TIMP3: variants seen among roughly 807,000 people sequenced by gnomAD.
TIMP3 encodes the protein TIMP metallopeptidase inhibitor 3, also known as metalloproteinase inhibitor 3.
A neutral mutation model predicts 30.0 loss-of-function variants in TIMP3; 11 were observed. The observed-to-expected ratio is 0.37, with a 90% CI of 0.23 to 0.61. TIMP3 has a LOEUF of 0.61. TIMP3 is among the 20% of genes least tolerant of loss of function. The probability of loss-of-function intolerance (pLI) is 0.70; values close to 1 mark genes in which losing one functional copy is unlikely to be tolerated. For synonymous variants in TIMP3, 112 were observed against 111.3 expected, an observed-to-expected ratio of 1.01 and a Z score of -0.04; for missense variants, 181 against 276.8, an observed-to-expected ratio of 0.65 and a Z score of 2.45.
intron 1 of TIMP3, among the ~76,000 whole-genome samples, chr22:32,806,372 T>C (rs1392112112): frequency 6.6e-6 from 1 of 152,216 alleles, no homozygotes; most frequent in East Asian, 1.9e-4. Context: ...CACTGCTGAA[T>C]GGCACATTCC....
At position 32,834,289 on chromosome 22, in the gene TIMP3, A is replaced by AT. The variant is rs1339883023; in HGVS notation, c.122-15161dup. ...TGCCTCAGCCTCCCAAGTAGTTGGG[A>AT]TTACAGGTGCCCTCCACCACATCTG... is the stretch of plus-strand genomic sequence containing the variant. On this transcript the variant is annotated intron_variant, in intron 1 of 4. Transcript: ENST00000266085. Among the ~76,000 whole-genome samples the AT allele has an allele frequency of 2.0e-5, 3 of 151,652 alleles. 1 individual carries two copies. Among genetic ancestry groups the AT allele is most frequent in the Non-Finnish European group, 4.4e-5 (3 of 67,940 alleles).
chr22:32,859,621 T>G lies in TIMP3; in HGVS notation c.*244T>G, dbSNP rs1198365586. The stretch of plus-strand genomic sequence containing the variant: ...TTCCACCTGGGAATTTCTGGTGCCA[T>G]GCCAGAAAGAATGAGGAACCTGTAT... On this transcript the variant is annotated 3_prime_UTR_variant, in exon 5 of 5. Transcript: ENST00000266085. 2 of 553,610 alleles carry G rather than the reference T, an allele frequency of 3.6e-6. No homozygotes were observed. Among genetic ancestry groups the G allele is most frequent in the East Asian group, 6.1e-5 (2 of 33,054 alleles). 34.3% of individuals were successfully genotyped at this position (553,610 alleles called of 1,614,324 possible).
At chr22:32,802,783 C>G (rs187741509) in intron 1 of TIMP3, among the ~76,000 whole-genome samples, 1 of 152,258 alleles carries the variant, frequency 6.6e-6, no homozygotes, top group Admixed American at 6.5e-5. Context: ...GCAGAAGGTG[C>G]GAGGGGTCAC....
At chr22:32,850,004 A>G (rs2048174973) in intron 2 of TIMP3, among the ~76,000 whole-genome samples, 1 of 151,500 alleles carries the variant, frequency 6.6e-6, no homozygotes, top group South Asian at 2.1e-4. Flanking sequence ...CAGCCCTCAA[A>G]TCTTTACATG....
chr22:32,845,853 T>C (rs759441513), intron 1 of TIMP3, among the ~76,000 whole-genome samples: 11 of 152,246 alleles, frequency 7.2e-5, no homozygotes, highest in Admixed American at 1.3e-4. Context: ...CCTTGTTCCC[T>C]GTGGCCCCTG....
intron 1 of TIMP3, among the ~76,000 whole-genome samples, chr22:32,834,215 C>T (rs535336946): frequency 6.6e-6 from 1 of 152,084 alleles, no homozygotes; most frequent in Non-Finnish European, 1.5e-5. Flanking sequence ...TGCAGTGGCA[C>T]GATCTCGGCT....
At chr22:32,854,258 ATG>A (rs2146269368) in intron 2 of TIMP3, among the ~76,000 whole-genome samples, 1 of 152,326 alleles carries the variant, frequency 6.6e-6, no homozygotes, top group East Asian at 1.9e-4. Flanking sequence ...GTCATTTGTA[ATG>A]TGTCAGAATT....
rs570310473 is a variant in TIMP3 at position 32,837,543 on chromosome 22, G to C, written c.122-11909G>C. Among the ~76,000 whole-genome samples the C allele has an allele frequency of 6.6e-6, 1 of 152,282 alleles. No individual in the cohort carries two copies. Among genetic ancestry groups the C allele is most frequent in the East Asian group, 1.9e-4 (1 of 5,168 alleles). On this transcript the variant is annotated intron_variant, in intron 1 of 4. Transcript: ENST00000266085. This position sits in a 1 kb window ranked among gnomAD's most constrained non-coding sequence, Gnocchi z 4.1. The stretch of plus-strand genomic sequence containing the variant: ...GGGAGACAGGGTACGGCGGGAGACA[G>C]AGATGCATGAAATACTAACGTTGAA...
chr22:32,824,989 C>T (rs1243575949), intron 1 of TIMP3, among the ~76,000 whole-genome samples: 3 of 152,176 alleles, frequency 2.0e-5, no homozygotes, highest in South Asian at 2.1e-4. Context: ...TTCCTGGCCC[C>T]GCCTGTCTTG....
chr22:32,813,193 T>C (rs1167003916), intron 1 of TIMP3, among the ~76,000 whole-genome samples: 2 of 152,204 alleles, frequency 1.3e-5, no homozygotes, highest in Admixed American at 1.3e-4. Flanking sequence ...ATTCTCTTGG[T>C]TTCCATTTTG....
intron 1 of TIMP3, among the ~76,000 whole-genome samples, chr22:32,833,535 T>C (rs1167186002): frequency 6.6e-6 from 1 of 152,128 alleles, no homozygotes; most frequent in Non-Finnish European, 1.5e-5. Flanking sequence ...TCAAAGGAGC[T>C]TACACTGAGT....
At chr22:32,812,137 T>A (rs188109099) in intron 1 of TIMP3, among the ~76,000 whole-genome samples, 5 of 152,182 alleles carry the variant, frequency 3.3e-5, no homozygotes, top group South Asian at 2.1e-4. Context: ...ATTGGCTCTA[T>A]GTGGTGTGTA....
chr22:32,852,355 G>T (rs907573461), intron 2 of TIMP3, among the ~76,000 whole-genome samples: 5 of 152,178 alleles, frequency 3.3e-5, no homozygotes, highest in African/African-American at 9.7e-5. Context: ...GGAACAAAAA[G>T]AGGTCAGTTT....
In TIMP3 at chr22:32,859,578, G is replaced by T; in HGVS notation, c.*201G>T. The T allele has an allele frequency of 1.5e-6, 1 of 651,594 alleles. No homozygotes were observed. The highest frequency in any genetic ancestry group is 2.5e-6 in the Non-Finnish European group (1 of 397,936). The allele number at this position is 651,594 out of a possible 1,614,324, so 40.4% of individuals were successfully genotyped here. On this transcript the variant is annotated 3_prime_UTR_variant, in exon 5 of 5. Transcript: ENST00000266085. ...TGGCCCCACCCTGCCCCTTCTTTTT[G>T]GTTTTGACATCATTCATTTCCACCT...
At chr22:32,827,724 A>C (rs1453475425) in intron 1 of TIMP3, among the ~76,000 whole-genome samples, 1 of 152,186 alleles carries the variant, frequency 6.6e-6, no homozygotes, top group Non-Finnish European at 1.5e-5. Context: ...TTCCTCAAGA[A>C]GCTCTAGAAG....
chr22:32,804,749 GGAAGTGTTTAGGA>G (rs1208078854), intron 1 of TIMP3, among the ~76,000 whole-genome samples: 1 of 152,196 alleles, frequency 6.6e-6, no homozygotes, highest in Non-Finnish European at 1.5e-5. Context: ...TGCACCCTAT[GGAAGTGTTTAGGA>G]GAAGAATAAA....
chr22:32,829,182 G>A (rs2047500865), intron 1 of TIMP3, among the ~76,000 whole-genome samples: 2 of 152,168 alleles, frequency 1.3e-5, no homozygotes, highest in African/African-American at 2.4e-5. Context: ...TCCCATTGCC[G>A]GCTTTAGTCC....
intron 1 of TIMP3, among the ~76,000 whole-genome samples, chr22:32,806,567 C>CA (rs1301339612): frequency 6.6e-6 from 1 of 152,174 alleles, no homozygotes; most frequent in African/African-American, 2.4e-5. Context: ...ATCTGAGCTC[C>CA]ACTCCTTCCT....
rs557242301 is a variant in TIMP3 at position 32,844,894 on chromosome 22, TA to T, written c.122-4556del. ...CCTGGCTAATTGTTTTAAATTTTTA[TA>T]ATTTTTTATTTTTTATAGAGACAAG... On this transcript the variant is annotated intron_variant, in intron 1 of 4. Coordinates refer to ENST00000266085, the MANE Select transcript of TIMP3 (RefSeq NM_000362.5). Among the ~76,000 whole-genome samples, 130 of 152,226 alleles carry T rather than the reference TA, an allele frequency of 8.5e-4. 1 individual carries two copies. The highest frequency in any genetic ancestry group is 1.6e-3 in the Admixed American group (25 of 15,292).
Sources: allele counts gnomAD v4.1 joint callset (sites outside exome capture counted in the v4.1 genomes callset), GRCh38; gene constraint gnomAD v4.1.1; non-coding constraint Gnocchi (gnomAD v3.1); transcripts MANE v1.5; gene names NCBI Gene and HGNC (gene_info 2026-07-23, HGNC 2026-07-21).